LRRK1: variants seen among roughly 807,000 people sequenced by gnomAD.
LRRK1 encodes the protein leucine rich repeat kinase 1, also known as leucine-rich repeat serine/threonine-protein kinase 1.
A neutral mutation model predicts 209.1 loss-of-function variants in LRRK1; 113 were observed. The observed-to-expected ratio is 0.54, with a 90% CI of 0.46 to 0.63. LRRK1 has a LOEUF of 0.63. Among genes scored for constraint, LRRK1 ranks in the 30% least tolerant of loss-of-function variants. The pLI is 0.00. For synonymous variants in LRRK1, 1,144 were observed against 1,099.7 expected (o/e 1.04, Z -0.80); for missense variants, 2,284 against 2,632.2 (o/e 0.87, Z 2.89).
In LRRK1 at chr15:101,072,516, C is replaced by G. The variant is rs561552753; in HGVS notation, c.*3668C>G. The G allele has an allele frequency of 6.6e-6, 1 of 152,298 alleles. No homozygotes were observed. The highest frequency in any genetic ancestry group is 6.5e-5 in the Admixed American group (1 of 15,284). 9.4% of individuals were successfully genotyped at this position (152,298 alleles called of 1,614,324 possible). On this transcript the variant is annotated 3_prime_UTR_variant, in exon 34 of 34. Transcript: ENST00000388948. ...GGCCTCTGAGCCCAAGCCAAGCCAT[C>G]GCATCCCCTGTGACTTGCACGTATA...
chr15:101,012,900 C>G lies in LRRK1; in HGVS notation c.1419+755C>G, dbSNP rs914444219. Among the ~76,000 whole-genome samples the G allele has an allele frequency of 1.1e-4, 16 of 149,832 alleles. No individual in the cohort carries two copies. The East Asian group carries it at 2.6e-3, about 24-fold the overall frequency. On this transcript the variant is annotated intron_variant, in intron 10 of 33. Transcript: ENST00000388948. ...AGAAAGGAGCCACGCGGGGTGCCCC[C>G]GGGGGGGGGTGGTCCCACATCATAC...
intron 29 of LRRK1, among the ~76,000 whole-genome samples, 174 bp from the exon 30 acceptor site, chr15:101,060,997 C>T (rs543543122): frequency 6.6e-6 from 1 of 152,226 alleles, no homozygotes; most frequent in Non-Finnish European, 1.5e-5. Context: ...CTGCGGGCGA[C>T]GGTCAAGCAT....
chr15:101,057,137 C>A, intron 28 of LRRK1, 87 bp downstream of exon 28: 2 of 1,172,546 alleles, frequency 1.7e-6, no homozygotes, highest in Non-Finnish European at 2.4e-6. Context: ...CCTGGCTGCC[C>A]AACCATCACC....
chr15:101,060,019 G>A (rs2036065420), intron 29 of LRRK1, among the ~76,000 whole-genome samples: 2 of 152,198 alleles, frequency 1.3e-5, no homozygotes, highest in Admixed American at 1.3e-4. Flanking sequence ...TCCGCTCAGG[G>A]CTCTGAAGAC....
intron 31 of LRRK1, chr15:101,064,421 A>C (rs1167011032): frequency 6.5e-6 from 1 of 153,010 alleles, no homozygotes; most frequent in Non-Finnish European, 1.5e-5. Flanking sequence ...ACCACAGCCG[A>C]CGCGGTGTCT....
intron 2 of LRRK1, among the ~76,000 whole-genome samples, chr15:100,968,782 C>T (rs1485158376): frequency 6.9e-6 from 1 of 145,766 alleles, no homozygotes; most frequent in Non-Finnish European, 1.5e-5. Flanking sequence ...CTTTCCTTCC[C>T]CTTTCCTTCC....
In LRRK1 at chr15:101,066,709, C is replaced by T. The variant is rs756106799; in HGVS notation, c.5838C>T (p.Ala1946=). 8.1e-6 allele frequency: 13 copies of T among 1,614,180 alleles called. No individual in the cohort carries two copies. The Admixed American group carries it at 1.0e-4, about 12-fold the overall frequency. The change falls in exon 33 of 34, where the codon GCC becomes GCT. Residue 1946 remains alanine (A), a synonymous_variant. Transcript: ENST00000388948. ...DSGAQRGRVI[A]VLKARELTPH... is the part of the protein sequence containing the mutation. ...GCGCCCAGCGGGGCCGAGTCATTGC[C>T]GTCTTAAAAGCCCGAGAGCTGACTC... is the stretch of plus-strand genomic sequence containing the variant.
At chr15:101,066,570 C>A in intron 32 of LRRK1, 70 bp from the exon 33 acceptor site, 2 of 1,436,428 alleles carry the variant, frequency 1.4e-6, no homozygotes, top group Non-Finnish European at 2.0e-6. Flanking sequence ...CCTTTCTGCA[C>A]ACCGGCTTCA....
chr15:101,021,575 T>G (rs2033788305), intron 13 of LRRK1: 2 of 518,012 alleles, frequency 3.9e-6, no homozygotes, highest in Non-Finnish European at 6.8e-6. Context: ...ATCATCTTTA[T>G]GGGGATGTAC....
rs142011450 is a variant in LRRK1 at position 101,067,226 on chromosome 15, G to A, written c.5870+485G>A. On this transcript the variant is annotated intron_variant, in intron 33 of 33. Transcript: ENST00000388948. The stretch of plus-strand genomic sequence containing the variant: ...GACATAGCTCAGTACCTGTCTGTGG[G>A]TGGGGACCCCCAGGATTATGCCAGT... The A allele has an allele frequency of 3.3e-4, 150 of 456,198 alleles. 3 individuals carry two copies. The East Asian group carries it at 8.8e-3, about 27-fold the overall frequency. The allele number at this position is 456,198 out of a possible 1,614,324, so 28.3% of individuals were successfully genotyped here.
rs537339899 is a variant in LRRK1, at chr15:100,947,347, C to T, written c.97+22618C>T. 1.3e-3 allele frequency among the ~76,000 whole-genome samples: 202 copies of T among 152,270 alleles called. 1 individual carries two copies. Among genetic ancestry groups the T allele is most frequent in the Non-Finnish European group, 2.4e-3 (163 of 68,034 alleles). ...AAACAATTGATAAACATAGAAAATACACTGTGCCCATTCCTATGGAAAGAA... is the reference window on the plus strand; with the variant it reads ...AAACAATTGATAAACATAGAAAATATACTGTGCCCATTCCTATGGAAAGAA... On this transcript the variant is annotated intron_variant, in intron 2 of 33. Coordinates refer to ENST00000388948, the MANE Select transcript of LRRK1 (RefSeq NM_024652.6).
chr15:100,971,089 T>G (rs1340043346), intron 2 of LRRK1, among the ~76,000 whole-genome samples: 1 of 152,038 alleles, frequency 6.6e-6, no homozygotes, highest in Non-Finnish European at 1.5e-5. Context: ...ATCCCAGCAC[T>G]CTGTGAGGCT....
At chr15:100,941,426 G>GTGTGTCTGTGTC (rs1567191056) in intron 2 of LRRK1, among the ~76,000 whole-genome samples, 3 of 16,114 alleles carry the variant, frequency 1.9e-4, no homozygotes, top group African/African-American at 4.6e-4. Flanking sequence ...GTGTGTGTGT[G>GTGTGTCTGTGTC]TCTGTGTGTG....
chr15:101,013,476 C>T (rs1241206085), intron 10 of LRRK1, among the ~76,000 whole-genome samples: 1 of 151,920 alleles, frequency 6.6e-6, no homozygotes, highest in Non-Finnish European at 1.5e-5. Context: ...GACCTGGGCA[C>T]GGCGACTCAG....
chr15:101,051,604 A>G, intron 23 of LRRK1, 107 bp from the exon 24 acceptor site: 1 of 1,420,148 alleles, frequency 7.0e-7, no homozygotes, highest in Non-Finnish European at 9.5e-7. Flanking sequence ...CAGGACAGGC[A>G]GCTCCCCTGC....
chr15:100,944,659 C>T (rs1261652719), intron 2 of LRRK1, among the ~76,000 whole-genome samples: 1 of 152,090 alleles, frequency 6.6e-6, no homozygotes, highest in Non-Finnish European at 1.5e-5. Context: ...GATGGCAGTC[C>T]TAGTATTGAG....
At chr15:100,954,943 T>G (rs2042724305) in intron 2 of LRRK1, among the ~76,000 whole-genome samples, 1 of 152,226 alleles carries the variant, frequency 6.6e-6, no homozygotes, top group Non-Finnish European at 1.5e-5. Context: ...GGAAGTGTGA[T>G]GCTTCTAGCT....
chr15:100,950,305 C>G (rs2042620511), intron 2 of LRRK1, among the ~76,000 whole-genome samples: 1 of 152,164 alleles, frequency 6.6e-6, no homozygotes, highest in African/African-American at 2.4e-5. Context: ...AAGATTTATA[C>G]ACCAAAAACT....
chr15:100,953,518 A>G (rs2042696116), intron 2 of LRRK1, among the ~76,000 whole-genome samples: 1 of 148,510 alleles, frequency 6.7e-6, no homozygotes, highest in Non-Finnish European at 1.5e-5. Flanking sequence ...CTATATATAT[A>G]TATATATATA....
Sources: allele counts gnomAD v4.1 joint callset (sites outside exome capture counted in the v4.1 genomes callset), GRCh38; gene constraint gnomAD v4.1.1; transcripts MANE v1.5; gene names NCBI Gene and HGNC (gene_info 2026-07-23, HGNC 2026-07-21).